The following ZNF844 variants were observed in gnomAD, a reference collection of about 807,000 sequenced individuals.
ZNF844 encodes zinc finger protein 844.
In ZNF844, 11 loss-of-function variants were observed where a neutral mutation model predicts 11.4. That is an observed-to-expected ratio of 0.97 (90% CI 0.61 to 1.60). The LOEUF (loss-of-function observed/expected upper bound fraction) is 1.60, where lower values mean the gene tolerates loss of function less well. Ranked by LOEUF, ZNF844 falls within the 40% of genes most tolerant of loss-of-function variation. The pLI, the probability that ZNF844 is intolerant of heterozygous loss-of-function variation, is 0.00. For missense variants in ZNF844, 790 were observed against 796.8 expected, an observed-to-expected ratio of 0.99 and a Z score of 0.10; for synonymous variants, 248 against 260.3, an observed-to-expected ratio of 0.95 and a Z score of 0.46.
intron 1 of ZNF844, 65 bp from the exon 2 acceptor site, chr19:12,073,966 G>A (rs1975778648): frequency 6.5e-7 from 1 of 1,539,618 alleles, no homozygotes; most frequent in Non-Finnish European, 8.7e-7. Context: ...TTCTTAGGAA[G>A]AGGGTATAGA....
chr19:12,076,913 C>G lies in ZNF844; in HGVS notation c.1793C>G (p.Pro598Arg). Residue 598 changes from proline to arginine, a missense_variant, in exon 4 of 4, where the codon CCA (proline) becomes CGA (arginine). Pro to Arg is a moderately radical substitution (Grantham distance 103). Transcript: ENST00000439326. ...VKSVTKHSYLPRSFEYMQEHT... is the reference protein window; with the variant it reads ...VKSVTKHSYLRRSFEYMQEHT... ...AGTGTGACAAAGCATTCATATCTGC[C>G]AAGATCCTTCGAGTACATGCAAGAA... 6.3e-7 allele frequency: 1 copy of G among 1,590,694 alleles called. No homozygotes were observed. The highest frequency in any genetic ancestry group is 1.4e-5 in the African/African-American group (1 of 73,722).
chr19:12,065,076 T>G (rs570920205), intron 1 of ZNF844, among the ~76,000 whole-genome samples, 200 bp downstream of exon 1: 95 of 151,486 alleles, frequency 6.3e-4, no homozygotes, highest in African/African-American at 2.2e-3. Context: ...CCGGGACCCC[T>G]GGGCGCCCTG....
At chr19:12,064,965 A>C in intron 1 of ZNF844, 89 bp downstream of exon 1, 1 of 1,426,326 alleles carries the variant, frequency 7.0e-7, no homozygotes, top group Non-Finnish European at 9.4e-7. Context: ...CTGTGCCGGG[A>C]CCCGGACCTC....
intron 3 of ZNF844, among the ~76,000 whole-genome samples, chr19:12,075,079 A>G (rs1471538082): frequency 1.3e-5 from 2 of 152,192 alleles, no homozygotes; most frequent in Non-Finnish European, 2.9e-5. Context: ...GGGGAGGGAT[A>G]GCATTAGGAG....
In ZNF844 at chr19:12,074,170, G is replaced by A. The variant is rs1159770314; in HGVS notation, c.130+13G>A. On this transcript the variant is annotated intron_variant, in intron 2 of 3. Transcript: ENST00000439326. The stretch of plus-strand genomic sequence containing the variant: ...CTGGCCTCCATAGGTAAGAATGACA[G>A]TATTACGTCCCCCAGTGAATGAGAC... 6.2e-7 allele frequency: 1 copy of A among 1,612,912 alleles called. No individual in the cohort carries two copies. Among genetic ancestry groups the A allele is most frequent in the Non-Finnish European group, 8.5e-7 (1 of 1,179,462 alleles).
At position 12,076,801 on chromosome 19, in the gene ZNF844, A is replaced by G; in HGVS notation, c.1681A>G (p.Arg561Gly). The change falls in exon 4 of 4, where the codon AGG becomes GGG. Residue 561 changes from arginine to glycine, a missense_variant. Arg to Gly is a moderately radical substitution (Grantham distance 125). Transcript: ENST00000439326. ...KRHTLERNPIRNMEKHSTISL... is the reference protein window; with the variant it reads ...KRHTLERNPIGNMEKHSTISL... ...ACACACCCTGGAGAGAAACCCTATA[A>G]GGAATATGGAAAAGCATTCAACAAT... 1.9e-6 allele frequency: 3 copies of G among 1,565,476 alleles called. No homozygotes were observed. Among genetic ancestry groups the G allele is most frequent in the Non-Finnish European group, 2.6e-6 (3 of 1,154,096 alleles).
At chr19:12,066,060 C>G (rs763275363) in intron 1 of ZNF844, among the ~76,000 whole-genome samples, 1 of 151,940 alleles carries the variant, frequency 6.6e-6, no homozygotes, top group African/African-American at 2.4e-5. Context: ...CTCACCCTCC[C>G]GAGTAGCTGG....
In ZNF844 at chr19:12,064,841, C is replaced by G; in HGVS notation, c.-33C>G. On this transcript the variant is annotated 5_prime_UTR_variant, in exon 1 of 4. Transcript: ENST00000439326. ...CGCCCTGTCGTCTGTGTTGTGACTGCTTTGGACGTGGGAGTCACCTGAAAG... is the reference window on the plus strand; with the variant it reads ...CGCCCTGTCGTCTGTGTTGTGACTGGTTTGGACGTGGGAGTCACCTGAAAG... 1 of 1,549,108 alleles carries G rather than the reference C, an allele frequency of 6.5e-7. No homozygotes were observed. The highest frequency in any genetic ancestry group is 8.7e-7 in the Non-Finnish European group (1 of 1,146,184).
Position 12,066,428 on chromosome 19 carries a change from C to T in ZNF844, c.3+1552C>T, listed in dbSNP as rs1041882569. 5.9e-5 allele frequency among the ~76,000 whole-genome samples: 9 copies of T among 151,978 alleles called. No individual in the cohort carries two copies. In the East Asian group the frequency reaches 1.2e-3, roughly 20 times the overall value. On this transcript the variant is annotated intron_variant, in intron 1 of 3. Coordinates refer to ENST00000439326, the MANE Select transcript of ZNF844 (RefSeq NM_001136501.3). The stretch of plus-strand genomic sequence containing the variant: ...CAAAATTCAGGCTCCTCATCGCTCC[C>T]CACTCTGTTCCCCCCGCCCCGACTC...
chr19:12,069,992 C>T (rs1291008486), intron 1 of ZNF844, among the ~76,000 whole-genome samples: 1 of 149,948 alleles, frequency 6.7e-6, no homozygotes, highest in Non-Finnish European at 1.5e-5. Flanking sequence ...CGCGGTGGCT[C>T]ATGCCTGTAA....
In ZNF844 at chr19:12,076,977, G is replaced by A. The variant is rs536342856; in HGVS notation, c.1857G>A (p.Ala619=). 104 of 1,601,822 alleles carry A rather than the reference G, an allele frequency of 6.5e-5. No individual in the cohort carries two copies. The highest frequency in any genetic ancestry group is 4.2e-4 in the African/African-American group (31 of 74,328). ...LERNPMNVRN[A]EKRSIIFLLC... ...GAAACCCTATGAATGTAAGGAATGC[G>A]GAAAAGCGTTCAATTATTTTTCTTC... The change falls in exon 4 of 4, where the codon GCG becomes GCA. Residue 619 remains alanine (A), a synonymous_variant. Transcript: ENST00000439326.
intron 1 of ZNF844, among the ~76,000 whole-genome samples, chr19:12,067,932 GA>G (rs1975708362): frequency 7.9e-6 from 1 of 126,962 alleles, no homozygotes; most frequent in Admixed American, 7.9e-5. Flanking sequence ...AAGAAAGAAA[GA>G]AAGAAAGAAA....
At chr19:12,073,824 TGTTC>T (rs1331578474) in intron 1 of ZNF844, among the ~76,000 whole-genome samples, 1 of 152,220 alleles carries the variant, frequency 6.6e-6, no homozygotes, top group Non-Finnish European at 1.5e-5. Flanking sequence ...TCTATTCTGC[TGTTC>T]GTTTATTGCT....
At chr19:12,072,779 T>G (rs1184046376) in intron 1 of ZNF844, among the ~76,000 whole-genome samples, 1 of 152,014 alleles carries the variant, frequency 6.6e-6, no homozygotes, top group Non-Finnish European at 1.5e-5. Context: ...GAGACAGGGT[T>G]TCACCATGTT....
chr19:12,068,014 G>A (rs912336801), intron 1 of ZNF844, among the ~76,000 whole-genome samples: 1 of 134,156 alleles, frequency 7.5e-6, no homozygotes, highest in African/African-American at 2.7e-5. Flanking sequence ...TTTAAAAATA[G>A]CCAGGCATAG....
At chr19:12,066,338 C>T (rs1299914417) in intron 1 of ZNF844, among the ~76,000 whole-genome samples, 2 of 151,654 alleles carry the variant, frequency 1.3e-5, no homozygotes, top group African/African-American at 4.8e-5. Context: ...CCATGGGTGT[C>T]AGACAAGCAA....
chr19:12,076,039 A>G lies in ZNF844; in HGVS notation c.919A>G (p.Lys307Glu). The change falls in exon 4 of 4, where the codon AAG (lysine) becomes GAG (glutamate). Residue 307 changes from lysine (K) to glutamate (E), a missense_variant. By Grantham distance (56) the Lys-to-Glu change is moderately conservative (BLOSUM62 1). Around this residue, in one of 3 missense-constraint regions of ZNF844, gnomAD observed 657 missense variants for 636.2 expected, o/e 1.03. Transcript: ENST00000439326. ...ACATGAAAGAACTCACAGTGAGGAG[A>G]AGGCTTATGAATGTACCAAATGTGG... ...QIHERTHSEE[K>E]AYECTKCGKA... 6.4e-7 allele frequency: 1 copy of G among 1,566,466 alleles called. No individual in the cohort carries two copies. Among genetic ancestry groups the G allele is most frequent in the Non-Finnish European group, 8.7e-7 (1 of 1,155,058 alleles).
chr19:12,075,214 TAAAA>T, intron 3 of ZNF844, 94 bp from the exon 4 acceptor site: 1 of 873,002 alleles, frequency 1.1e-6, no homozygotes, highest in Non-Finnish European at 1.5e-6. Flanking sequence ...AATAATAAAA[TAAAA>T]TAAAATAAAA....
intron 3 of ZNF844, among the ~76,000 whole-genome samples, chr19:12,074,635 G>T (rs759374982): frequency 2.8e-4 from 42 of 152,196 alleles, no homozygotes; most frequent in Non-Finnish European, 5.1e-4. Flanking sequence ...GAGGTGGGAG[G>T]ATTGCTAGAG....
Sources: allele counts gnomAD v4.1 joint callset (sites outside exome capture counted in the v4.1 genomes callset), GRCh38; gene constraint gnomAD v4.1.1; regional missense constraint gnomAD v4.1.1; transcripts MANE v1.5; gene names NCBI Gene and HGNC (gene_info 2026-07-23, HGNC 2026-07-21).